Variants in OCRL observed in about 807,000 individuals in gnomAD.
OCRL encodes the protein inositol polyphosphate 5-phosphatase OCRL.
OCRL carries 8 observed loss-of-function variants against 78.9 expected under a neutral mutation model. That is an observed-to-expected ratio of 0.10 (90% CI 0.06 to 0.18). OCRL has a LOEUF of 0.18. Ranked by LOEUF, OCRL falls within the 10% of genes least tolerant of loss-of-function variation. The pLI, the probability that OCRL is intolerant of heterozygous loss-of-function variation, is 1.00. For synonymous variants in OCRL, 240 were observed against 235.4 expected, an observed-to-expected ratio of 1.02 and a Z score of -0.18; for missense variants, 454 against 696.7, an observed-to-expected ratio of 0.65 and a Z score of 3.92.
chrX:129,565,605 G>A (rs1364166309), intron 12 of OCRL, among the ~76,000 whole-genome samples, 167 bp from the exon 13 acceptor site: 1 of 111,947 alleles, frequency 8.9e-6, no homozygotes, highest in African/African-American at 3.2e-5. Context: ...TCTCTCTCAG[G>A]TGTTGATAGT....
In OCRL at chrX:129,565,754, C is replaced by T. The variant is rs756156499; in HGVS notation, c.1245-18C>T. 7 of 1,136,910 alleles carry T rather than the reference C, an allele frequency of 6.2e-6. No homozygotes were observed. The East Asian group carries it at 2.1e-4, about 34-fold the overall frequency. The allele number at this position is 1,136,910 out of a possible 1,213,427, so 93.7% of individuals were successfully genotyped here. ...ATGCTAATCGCTACTTCTGTTCATACATTTTTTTGATCCTTAGGGTTGTCA... is the reference window on the plus strand; with the variant it reads ...ATGCTAATCGCTACTTCTGTTCATATATTTTTTTGATCCTTAGGGTTGTCA... On this transcript the variant is annotated intron_variant, in intron 12 of 23. Coordinates refer to ENST00000371113, the MANE Select transcript of OCRL (RefSeq NM_000276.4).
chrX:129,581,861 C>G (rs1256475593), intron 18 of OCRL, among the ~76,000 whole-genome samples: 3 of 94,413 alleles, frequency 3.2e-5, no homozygotes, highest in African/African-American at 4.3e-5. Context: ...CTCTCTCTCT[C>G]TCTCTGTCTC....
At chrX:129,584,472 G>T in intron 19 of OCRL, 105 bp downstream of exon 19, 1 of 718,283 alleles carries the variant, frequency 1.4e-6, no homozygotes, top group South Asian at 2.2e-5. Context: ...AGAGACCTCT[G>T]ACTTGGTGAG....
intron 2 of OCRL, among the ~76,000 whole-genome samples, chrX:129,544,506 T>C (rs1400683479): frequency 9.0e-6 from 1 of 111,668 alleles, no homozygotes; most frequent in African/African-American, 3.3e-5. Flanking sequence ...CATGGGAATA[T>C]AATTGGAAGG....
intron 15 of OCRL, among the ~76,000 whole-genome samples, chrX:129,574,922 A>G (rs1262771253): frequency 8.9e-6 from 1 of 112,283 alleles, no homozygotes; most frequent in Non-Finnish European, 1.9e-5. Flanking sequence ...TCTTGGAGGT[A>G]TAAAAGTTGA....
Position 129,566,186 on chromosome X carries a change from G to A in OCRL, c.1356+303G>A, listed in dbSNP as rs2076077. Among the ~76,000 whole-genome samples the A allele has an allele frequency of 0.21, 23,759 of 111,335 alleles. 4,438 individuals carry two copies. Among genetic ancestry groups the A allele is most frequent in the East Asian group, 0.73 (2,522 of 3,475 alleles). On this transcript the variant is annotated intron_variant, in intron 13 of 23. Transcript: ENST00000371113. ...TTGGTGAATGGGTGGGGTTAATTGG[G>A]GAACACTTCCTGGAGGAAGTGGGCC...
At chrX:129,576,782 C>T (rs1936375175) in intron 18 of OCRL, among the ~76,000 whole-genome samples, 1 of 111,785 alleles carries the variant, frequency 8.9e-6, no homozygotes, top group Admixed American at 9.5e-5. Flanking sequence ...ATACTAAGCT[C>T]ACCAAATAAG....
intron 6 of OCRL, among the ~76,000 whole-genome samples, chrX:129,558,281 T>C (rs754598465): frequency 8.9e-6 from 1 of 112,036 alleles, no homozygotes; most frequent in Non-Finnish European, 1.9e-5. Flanking sequence ...CTTTCTGTAA[T>C]ATGGGAAGAT....
chrX:129,567,537 T>A (rs923878885), intron 14 of OCRL, among the ~76,000 whole-genome samples, 174 bp downstream of exon 14: 1 of 112,472 alleles, frequency 8.9e-6, no homozygotes, highest in African/African-American at 3.2e-5. Flanking sequence ...CATTTATCTA[T>A]ACTCAAAGGT....
rs2124412922 is a variant in OCRL at position 129,569,395 on chromosome X, T to C, written c.1598T>C (p.Ile533Thr). 8.3e-7 allele frequency: 1 copy of C among 1,209,777 alleles called. No individual in the cohort carries two copies. The highest frequency in any genetic ancestry group is 1.1e-6 in the Non-Finnish European group (1 of 893,639). The change falls in exon 15 of 24, where the codon ATT becomes ACT. Residue 533 changes from isoleucine to threonine, a missense_variant. By Grantham distance (89) the Ile-to-Thr change is moderately conservative. Coordinates refer to ENST00000371113, the MANE Select transcript of OCRL (RefSeq NM_000276.4). ...AAGCCTGTTAGCGCCCTCTTCCATA[T>C]TGGGGTAAACACTTGTTTGTACATT... ...DHKPVSALFH[I>T]GVKVVDERRY...
In OCRL at chrX:129,567,591, G is replaced by C. The variant is rs145627123; in HGVS notation, c.1466+228G>C. Among the ~76,000 whole-genome samples, 3,070 of 112,142 alleles carry C rather than the reference G, an allele frequency of 0.027. 100 individuals are homozygous for C. The highest frequency in any genetic ancestry group is 0.093 in the African/African-American group (2,868 of 30,820). ...TTATTACTTATATGTCAAGATTGTT[G>C]AAGTTTTATGGGCTACCTACAGTGC... On this transcript the variant is annotated intron_variant, in intron 14 of 23. Transcript: ENST00000371113.
rs962467174 is a variant in OCRL at position 129,540,303 on chromosome X, T to TCCCGGCG, written c.-121_-115dup. ...CAGCTCCCAGCTCCCCGCTCCCGGC[T>TCCCGGCG]CCCGGCGCCCGGCGCCCGGCGCGGA... is the stretch of plus-strand genomic sequence containing the variant. On this transcript the variant is annotated 5_prime_UTR_variant, in exon 1 of 24. Transcript: ENST00000371113. The TCCCGGCG allele has an allele frequency of 1.1e-4, 79 of 693,227 alleles. No homozygotes were observed. The East Asian group carries it at 1.6e-3, about 14-fold the overall frequency. 57.1% of individuals were successfully genotyped at this position (693,227 alleles called of 1,213,427 possible).
In OCRL at chrX:129,589,590, G is replaced by C. The variant is rs1936561090; in HGVS notation, c.2470-255G>C. On this transcript the variant is annotated intron_variant, in intron 22 of 23. Coordinates refer to ENST00000371113, the MANE Select transcript of OCRL (RefSeq NM_000276.4). ...TGAACACTGACCTATTGTGAGGCAGGGTGTGCGTATGAATGTGTGATGACC... is the reference window on the plus strand; with the variant it reads ...TGAACACTGACCTATTGTGAGGCAGCGTGTGCGTATGAATGTGTGATGACC... 17 of 399,081 alleles carry C rather than the reference G, an allele frequency of 4.3e-5. No homozygotes were observed. In the South Asian group the frequency reaches 4.8e-4, roughly 11 times the overall value. The allele number at this position is 399,081 out of a possible 1,213,427, so 32.9% of individuals were successfully genotyped here.
chrX:129,545,341 T>G, intron 3 of OCRL, among the ~76,000 whole-genome samples: 1 of 112,655 alleles, frequency 8.9e-6, no homozygotes, highest in Admixed American at 9.4e-5. Context: ...TGGATTTAAA[T>G]AACATTCTTG....
chrX:129,574,991 C>A (rs914556820), intron 15 of OCRL, 149 bp from the exon 16 acceptor site: 2 of 473,069 alleles, frequency 4.2e-6, no homozygotes, highest in South Asian at 3.1e-5. Flanking sequence ...GTGGATGAAG[C>A]AAGATATAGA....
chrX:129,572,217 CAT>C (rs1259928148), intron 15 of OCRL, among the ~76,000 whole-genome samples: 1 of 112,047 alleles, frequency 8.9e-6, no homozygotes, highest in Non-Finnish European at 1.9e-5. Flanking sequence ...GTCTCTATAT[CAT>C]AAACGGTCTT....
intron 14 of OCRL, among the ~76,000 whole-genome samples, chrX:129,567,930 G>A (rs1469312463): frequency 1.1e-4 from 10 of 93,414 alleles, no homozygotes; most frequent in African/African-American, 3.7e-4. Flanking sequence ...TTTTTGAGAC[G>A]GAGTCTCGCT....
At position 129,592,529 on chromosome X, in the gene OCRL, T is replaced by C. The variant is rs1936602193; in HGVS notation, c.*2259T>C. On this transcript the variant is annotated 3_prime_UTR_variant, in exon 24 of 24. Coordinates refer to ENST00000371113, the MANE Select transcript of OCRL (RefSeq NM_000276.4). ...TATTATAATTTATTGCAAATTTTTT[T>C]CTGAATAAATATATGTTGTGTGAAA... 8.9e-6 allele frequency: 1 copy of C among 112,476 alleles called. No homozygotes were observed. Among genetic ancestry groups the C allele is most frequent in the Non-Finnish European group, 1.9e-5 (1 of 53,270 alleles). 9.3% of individuals were successfully genotyped at this position (112,476 alleles called of 1,213,427 possible).
chrX:129,558,773 A>C lies in OCRL; in HGVS notation c.560+20A>C, dbSNP rs767279122. ...TAAAATGTAAGTCCCATGTGAAAAC[A>C]TATTTGCCTTGTAGGAGAATTATAG... On this transcript the variant is annotated intron_variant, in intron 7 of 23. Transcript: ENST00000371113. 2 of 1,212,043 alleles carry C rather than the reference A, an allele frequency of 1.7e-6. No individual in the cohort carries two copies. Among genetic ancestry groups the C allele is most frequent in the Non-Finnish European group, 2.2e-6 (2 of 895,383 alleles).
Sources: allele counts gnomAD v4.1 joint callset (sites outside exome capture counted in the v4.1 genomes callset), GRCh38; gene constraint gnomAD v4.1.1; transcripts MANE v1.5; gene names NCBI Gene and HGNC (gene_info 2026-07-23, HGNC 2026-07-21).